Variants in SYN3 observed in about 807,000 individuals in gnomAD.
The protein encoded by SYN3 is synapsin III.
A neutral mutation model predicts 65.8 loss-of-function variants in SYN3; 35 were observed. That is an observed-to-expected ratio of 0.53 (90% CI 0.41 to 0.70). The LOEUF (loss-of-function observed/expected upper bound fraction) is 0.70. Ranked by LOEUF, SYN3 falls within the 30% of genes least tolerant of loss-of-function variation. The probability of loss-of-function intolerance (pLI) is 0.00; values close to 1 mark genes in which losing one functional copy is unlikely to be tolerated. For synonymous variants in SYN3, 270 were observed against 292.9 expected, an observed-to-expected ratio of 0.92 and a Z score of 0.80; for missense variants, 680 against 749.0, an observed-to-expected ratio of 0.91 and a Z score of 1.08.
At position 32,533,786 on chromosome 22, in the gene SYN3, C is replaced by T; in HGVS notation, c.1095+7G>A. 1 of 1,606,156 alleles carries T rather than the reference C, an allele frequency of 6.2e-7. No individual in the cohort carries two copies. The highest frequency in any genetic ancestry group is 8.5e-7 in the Non-Finnish European group (1 of 1,173,300). The stretch of plus-strand genomic sequence containing the variant: ...CAGCCAGGAGGACTCCCTGCTTCAT[C>T]CCTCACCTCGATGATGTAATCTCTG... On this transcript the variant is annotated splice_region_variant and intron_variant, in intron 10 of 13. Transcript: ENST00000358763.
In SYN3 at chr22:32,573,690, G is replaced by A. The variant is rs561223974; in HGVS notation, c.774+22984C>T. On this transcript the variant is annotated intron_variant, in intron 7 of 13. Coordinates refer to ENST00000358763, the MANE Select transcript of SYN3 (RefSeq NM_003490.4). ...TTTGAAAGAGGACACAGCAGCCCCC[G>A]AGAGGAAGTCACTCTGTTTTGGTGG... is the stretch of plus-strand genomic sequence containing the variant. 7.5e-4 allele frequency among the ~76,000 whole-genome samples: 113 copies of A among 151,634 alleles called. 1 individual carries two copies. The highest frequency in any genetic ancestry group is 1.2e-3 in the Non-Finnish European group (84 of 67,936).
rs2048652054 is a variant in SYN3, at chr22:32,864,976, G to T, written c.650C>A (p.Ser217Tyr). Residue 217 changes from serine (S) to tyrosine (Y), a missense_variant, in exon 6 of 14, where the codon TCC becomes TAC. Ser to Tyr is a moderately radical substitution (Grantham distance 144). Transcript: ENST00000358763. ...VFSQLIKIFH[S>Y]LGPEKFPLVE... is the part of the protein sequence containing the mutation. ...AAGCGGGAACTTCTCAGGACCCAGG[G>T]AATGGAAGATCTTAATGAGCTGAGA... The T allele has an allele frequency of 3.1e-6, 5 of 1,614,000 alleles. No individual in the cohort carries two copies. The South Asian group carries it at 5.5e-5, about 18-fold the overall frequency.
At chr22:32,670,889 C>G (rs953396918) in intron 6 of SYN3, among the ~76,000 whole-genome samples, 1 of 152,188 alleles carries the variant, frequency 6.6e-6, no homozygotes, top group African/African-American at 2.4e-5. Context: ...GGGGGATTCC[C>G]CCCTTCCTAA....
intron 6 of SYN3, among the ~76,000 whole-genome samples, chr22:32,625,395 C>A (rs997695659): frequency 5.9e-5 from 9 of 152,188 alleles, no homozygotes; most frequent in African/African-American, 2.2e-4. Context: ...GGGACAGATG[C>A]TCTAGTTTGT....
chr22:32,722,715 C>A (rs2061137180), intron 6 of SYN3, among the ~76,000 whole-genome samples: 1 of 152,164 alleles, frequency 6.6e-6, no homozygotes, highest in African/African-American at 2.4e-5. Context: ...ACAGCTGACT[C>A]AAGGCTGCTA....
chr22:32,813,924 G>A (rs888662485), intron 6 of SYN3, among the ~76,000 whole-genome samples: 1 of 152,126 alleles, frequency 6.6e-6, no homozygotes, highest in African/African-American at 2.4e-5. Flanking sequence ...CTGGCATGTA[G>A]TAAGGACCTG....
intron 4 of SYN3, among the ~76,000 whole-genome samples, chr22:32,909,934 G>A (rs76215305): frequency 2.4e-4 from 37 of 152,242 alleles, no homozygotes; most frequent in African/African-American, 8.2e-4. Flanking sequence ...ACATACAAGC[G>A]GTGTGCTCGG....
chr22:32,733,781 C>G (rs1209410202), intron 6 of SYN3, among the ~76,000 whole-genome samples: 1 of 152,128 alleles, frequency 6.6e-6, no homozygotes, highest in Non-Finnish European at 1.5e-5. Flanking sequence ...ATGGGCCCAG[C>G]CAGGATGCTG....
chr22:32,769,017 T>C (rs1051967032), intron 6 of SYN3, among the ~76,000 whole-genome samples: 3 of 152,178 alleles, frequency 2.0e-5, no homozygotes, highest in Admixed American at 6.5e-5. Flanking sequence ...ACTTGTGCTC[T>C]AGGTATCACC....
intron 6 of SYN3, among the ~76,000 whole-genome samples, chr22:32,600,358 CGAGTGATGCA>C (rs77813780): frequency 0.088 from 13,313 of 152,148 alleles, 728 homozygotes; most frequent in African/African-American, 0.15. Context: ...GGCGGTCGTG[CGAGTGATGCA>C]GAGTGGCTGT....
intron 4 of SYN3, among the ~76,000 whole-genome samples, chr22:32,903,001 G>A (rs1316499513): frequency 6.6e-6 from 1 of 152,128 alleles, no homozygotes; most frequent in African/African-American, 2.4e-5. Flanking sequence ...AACTACGGTG[G>A]TTTGGATTCA....
chr22:32,517,602 A>G (rs1032306723), intron 13 of SYN3, among the ~76,000 whole-genome samples: 4 of 152,186 alleles, frequency 2.6e-5, no homozygotes, highest in Admixed American at 2.0e-4. Flanking sequence ...TATACTCACA[A>G]TTATCTGTTT....
chr22:32,891,629 G>A (rs2049449909), intron 4 of SYN3, among the ~76,000 whole-genome samples: 1 of 152,204 alleles, frequency 6.6e-6, no homozygotes, highest in South Asian at 2.1e-4. Context: ...TAAGCAAGGT[G>A]CTTAAACTGT....
intron 6 of SYN3, among the ~76,000 whole-genome samples, chr22:32,841,969 C>T (rs577871250): frequency 6.6e-6 from 1 of 152,108 alleles, no homozygotes. Flanking sequence ...AGCAGGACCA[C>T]GAGCCTGCAC....
At chr22:32,612,825 T>C (rs959663477) in intron 6 of SYN3, among the ~76,000 whole-genome samples, 1 of 152,034 alleles carries the variant, frequency 6.6e-6, no homozygotes, top group Non-Finnish European at 1.5e-5. Context: ...GGTGACAAAG[T>C]GAGACCCTGT....
At chr22:32,998,634 T>C (rs1300299235) in intron 2 of SYN3, among the ~76,000 whole-genome samples, 1 of 151,960 alleles carries the variant, frequency 6.6e-6, no homozygotes, top group African/African-American at 2.4e-5. Context: ...CCCCATTCTA[T>C]CCAGGCTCCA....
chr22:32,898,608 G>A (rs2049666073), intron 4 of SYN3, among the ~76,000 whole-genome samples: 1 of 152,206 alleles, frequency 6.6e-6, no homozygotes, highest in African/African-American at 2.4e-5. Flanking sequence ...CTGTTGTCAG[G>A]ATTGAATGAA....
At chr22:32,643,549 TGGGG>T (rs34967500) in intron 6 of SYN3, among the ~76,000 whole-genome samples, 2 of 4,526 alleles carry the variant, frequency 4.4e-4, no homozygotes, top group African/African-American at 1.5e-3. Context: ...TTAGAAATGG[TGGGG>T]GGGCGGGGGG....
intron 6 of SYN3, among the ~76,000 whole-genome samples, chr22:32,745,600 A>C (rs1056960721): frequency 1.3e-5 from 2 of 152,206 alleles, no homozygotes; most frequent in African/African-American, 2.4e-5. Context: ...CAGCCACTGC[A>C]CGGCCCTGGG....
Sources: gnomAD v4.1 joint callset for allele counts (sites outside exome capture counted in the v4.1 genomes callset) on GRCh38, gnomAD v4.1.1 for gene constraint, MANE v1.5 for transcripts, NCBI Gene and HGNC (gene_info 2026-07-23, HGNC 2026-07-21) for gene names.